The following TMEM132B variants were observed in gnomAD, a reference collection of about 807,000 sequenced individuals.
TMEM132B encodes transmembrane protein 132B.
TMEM132B carries 18 observed loss-of-function variants against 90.8 expected under a neutral mutation model. The ratio of observed to expected loss-of-function variants is 0.20; its 90% CI spans 0.14 to 0.29. TMEM132B has a LOEUF of 0.29. TMEM132B is among the 10% of genes least tolerant of loss of function. The pLI is 1.00. For missense variants in TMEM132B, 1,096 were observed against 1,326.8 expected, an observed-to-expected ratio of 0.83 and a Z score of 2.70; for synonymous variants, 504 against 523.3, an observed-to-expected ratio of 0.96 and a Z score of 0.50.
At chr12:125,510,034 A>G (rs1882940441) in intron 3 of TMEM132B, among the ~76,000 whole-genome samples, 1 of 152,222 alleles carries the variant, frequency 6.6e-6, no homozygotes, top group Non-Finnish European at 1.5e-5. Context: ...GTTGTATTTA[A>G]GAACGTGGTG....
At chr12:125,601,238 G>T (rs1378304772) in intron 5 of TMEM132B, among the ~76,000 whole-genome samples, 1 of 152,124 alleles carries the variant, frequency 6.6e-6, no homozygotes, top group Non-Finnish European at 1.5e-5. Flanking sequence ...CTCAGCAAAT[G>T]CAAATGAACT....
chr12:125,240,860 C>T (rs1874047064), intron 1 of TMEM132B, among the ~76,000 whole-genome samples: 1 of 152,184 alleles, frequency 6.6e-6, no homozygotes, highest in South Asian at 2.1e-4. Flanking sequence ...GCTGGAAGCT[C>T]CAAAATGCCG....
intron 3 of TMEM132B, among the ~76,000 whole-genome samples, chr12:125,440,051 G>C (rs1309825935): frequency 2.0e-5 from 3 of 152,156 alleles, no homozygotes; most frequent in African/African-American, 7.2e-5. Context: ...TTTTTGATGT[G>C]CTGCTGGATT....
intron 2 of TMEM132B, among the ~76,000 whole-genome samples, chr12:125,382,161 G>A (rs1878704998): frequency 6.6e-6 from 1 of 152,152 alleles, no homozygotes; most frequent in East Asian, 1.9e-4. Context: ...GGCATTTTAG[G>A]TTACTATCAC....
At chr12:125,240,370 C>T (rs1009538106) in intron 1 of TMEM132B, among the ~76,000 whole-genome samples, 1 of 152,170 alleles carries the variant, frequency 6.6e-6, no homozygotes, top group Non-Finnish European at 1.5e-5. Flanking sequence ...TTCCCAGCTA[C>T]CTACTTCCTT....
intron 1 of TMEM132B, among the ~76,000 whole-genome samples, chr12:125,330,333 C>CTTTTTT (rs75180932): frequency 8.0e-6 from 1 of 124,462 alleles, no homozygotes; most frequent in African/African-American, 2.8e-5. Context: ...TAAGGGGTTT[C>CTTTTTT]TTTTTTTTTT....
At chr12:125,428,011 T>C (rs984854334) in intron 3 of TMEM132B, among the ~76,000 whole-genome samples, 1 of 137,542 alleles carries the variant, frequency 7.3e-6, no homozygotes, top group Non-Finnish European at 1.6e-5. Flanking sequence ...TTTTTTTTTT[T>C]CTGAGGAAGA....
intron 2 of TMEM132B, among the ~76,000 whole-genome samples, chr12:125,357,942 C>T (rs1877833845): frequency 6.6e-6 from 1 of 152,238 alleles, no homozygotes; most frequent in Non-Finnish European, 1.5e-5. Context: ...TCTCCCCCAT[C>T]CCTGGGTTGG....
chr12:125,226,084 T>G (rs956862297), intron 1 of TMEM132B, among the ~76,000 whole-genome samples: 1 of 152,276 alleles, frequency 6.6e-6, no homozygotes, highest in Admixed American at 6.5e-5. Flanking sequence ...TGTCCTTGTG[T>G]GTACCTCTTT....
chr12:125,487,207 C>A (rs1882225978), intron 3 of TMEM132B, among the ~76,000 whole-genome samples: 1 of 152,160 alleles, frequency 6.6e-6, no homozygotes, highest in Non-Finnish European at 1.5e-5. Flanking sequence ...AAGGTTATTT[C>A]TTCCTTAGCT....
At chr12:125,593,124 G>A (rs1885358028) in intron 5 of TMEM132B, among the ~76,000 whole-genome samples, 1 of 152,194 alleles carries the variant, frequency 6.6e-6, no homozygotes. Flanking sequence ...GAGCTGCGCA[G>A]CTAAGAATAA....
intron 1 of TMEM132B, among the ~76,000 whole-genome samples, chr12:125,280,837 T>G (rs550974314): frequency 1.1e-4 from 17 of 152,296 alleles, no homozygotes; most frequent in African/African-American, 3.8e-4. Flanking sequence ...CTCCAGACTT[T>G]GCGGGAAGAA....
At chr12:125,550,842 G>A (rs1036616958) in intron 4 of TMEM132B, among the ~76,000 whole-genome samples, 2 of 150,132 alleles carry the variant, frequency 1.3e-5, no homozygotes, top group African/African-American at 4.9e-5. Context: ...GCAATGGTGC[G>A]ATCTTGGCTC....
At chr12:125,590,949 C>T (rs947118349) in intron 5 of TMEM132B, among the ~76,000 whole-genome samples, 1 of 152,150 alleles carries the variant, frequency 6.6e-6, no homozygotes, top group African/African-American at 2.4e-5. Context: ...CCTATGACCT[C>T]AACCTCTGTA....
intron 1 of TMEM132B, among the ~76,000 whole-genome samples, chr12:125,316,883 C>T (rs1054627160): frequency 2.9e-4 from 44 of 152,146 alleles, no homozygotes; most frequent in South Asian, 1.2e-3. Flanking sequence ...GGGAGCAGGG[C>T]AGGAGGCCTG....
chr12:125,434,317 T>C (rs1880635401), intron 3 of TMEM132B, among the ~76,000 whole-genome samples: 1 of 152,196 alleles, frequency 6.6e-6, no homozygotes. Context: ...CCAGGAACCT[T>C]AATCTAACCA....
rs556055826 is a variant in TMEM132B, at chr12:125,379,541, C to A, written c.959+29198C>A. On this transcript the variant is annotated intron_variant, in intron 2 of 8. Transcript: ENST00000682704. ...ATTCTCCTTGGCCCTCCTGAAGGATCACAGCGCTGCTAACCCCTTGATTTT... is the reference window on the plus strand; with the variant it reads ...ATTCTCCTTGGCCCTCCTGAAGGATAACAGCGCTGCTAACCCCTTGATTTT... 2.0e-5 allele frequency among the ~76,000 whole-genome samples: 3 copies of A among 152,314 alleles called. No homozygotes were observed. In the South Asian group the frequency reaches 6.2e-4, roughly 32 times the overall value.
At chr12:125,575,624 C>T (rs1250544367) in intron 4 of TMEM132B, among the ~76,000 whole-genome samples, 1 of 151,744 alleles carries the variant, frequency 6.6e-6, no homozygotes, top group African/African-American at 2.4e-5. Flanking sequence ...CATATCTAAG[C>T]AATATTTGCT....
chr12:125,601,654 CA>C (rs1330077086), intron 5 of TMEM132B, among the ~76,000 whole-genome samples: 19 of 151,722 alleles, frequency 1.3e-4, no homozygotes, highest in Admixed American at 2.0e-4. Flanking sequence ...AATAACCCTT[CA>C]AAAAAATCAA....
Sources: allele counts gnomAD v4.1 joint callset (sites outside exome capture counted in the v4.1 genomes callset), GRCh38; gene constraint gnomAD v4.1.1; transcripts MANE v1.5; gene names NCBI Gene and HGNC (gene_info 2026-07-23, HGNC 2026-07-21).